The following SNRNP48 variants were observed in gnomAD, a reference collection of about 807,000 sequenced individuals.
SNRNP48 encodes the protein small nuclear ribonucleoprotein U11/U12 subunit 48, also known as U11/U12 small nuclear ribonucleoprotein 48 kDa protein.
A neutral mutation model predicts 47.0 loss-of-function variants in SNRNP48; 43 were observed. That is an observed-to-expected ratio of 0.92 (90% CI 0.72 to 1.18). SNRNP48 has a LOEUF of 1.18. SNRNP48 is among the 50% of genes most tolerant of loss of function. The probability of loss-of-function intolerance (pLI) is 0.00; values close to 1 mark genes in which losing one functional copy is unlikely to be tolerated. For synonymous variants in SNRNP48, 138 were observed against 144.0 expected, an observed-to-expected ratio of 0.96 and a Z score of 0.30; for missense variants, 396 against 422.2, an observed-to-expected ratio of 0.94 and a Z score of 0.54.
chr6:7,603,559 C>T (rs976547044), intron 6 of SNRNP48, among the ~76,000 whole-genome samples: 4 of 152,196 alleles, frequency 2.6e-5, no homozygotes, highest in African/African-American at 9.7e-5. Flanking sequence ...ATTATTCTTA[C>T]CTCCATGCCC....
At chr6:7,599,621 T>A (rs1214303138) in intron 4 of SNRNP48, 1 of 1,068,944 alleles carries the variant, frequency 9.4e-7, no homozygotes, top group Non-Finnish European at 1.2e-6. Flanking sequence ...ATGTTCCGAA[T>A]GAATTGAATG....
intron 8 of SNRNP48, among the ~76,000 whole-genome samples, chr6:7,608,211 C>T (rs1170371705): frequency 5.3e-5 from 8 of 151,438 alleles, no homozygotes; most frequent in African/African-American, 7.3e-5. Flanking sequence ...ACATTCATTT[C>T]GAATTAAAGT....
Position 7,610,328 on chromosome 6 carries a change from T to C in SNRNP48, c.*1455T>C, listed in dbSNP as rs1228485729. The C allele has an allele frequency of 2.0e-5, 3 of 152,196 alleles. No individual in the cohort carries two copies. Among genetic ancestry groups the C allele is most frequent in the African/African-American group, 4.8e-5 (2 of 41,436 alleles). 9.4% of individuals were successfully genotyped at this position (152,196 alleles called of 1,614,324 possible). ...GGGAAACAGCTCTCAGATTTATAAA[T>C]TGGAAATCACCAGGTTACTTGCCAA... On this transcript the variant is annotated 3_prime_UTR_variant, in exon 9 of 9. Transcript: ENST00000342415.
Position 7,601,378 on chromosome 6 carries a change from A to G in SNRNP48, c.449A>G (p.Lys150Arg), listed in dbSNP as rs767890365. The change falls in exon 5 of 9, where the codon AAA (lysine) becomes AGA (arginine). Residue 150 changes from lysine (K) to arginine (R), a missense_variant. Physicochemically the swap from Lys to Arg is conservative, Grantham distance 26. Coordinates refer to ENST00000342415, the MANE Select transcript of SNRNP48 (RefSeq NM_152551.4). ...CCTGTTGAAGTTCCTTTGAATCACA[A>G]ACGGTTTGTTTGTGATCTAACTCAA... is the stretch of plus-strand genomic sequence containing the variant. ...SLPVEVPLNHKRFVCDLTQAD... is the reference protein window; with the variant it reads ...SLPVEVPLNHRRFVCDLTQAD... 2.5e-6 allele frequency: 4 copies of G among 1,578,432 alleles called. No homozygotes were observed. Among genetic ancestry groups the G allele is most frequent in the East Asian group, 2.3e-5 (1 of 43,210 alleles).
rs1242394466 is a variant in SNRNP48 at position 7,590,379 on chromosome 6, A to G, written c.122A>G (p.Asp41Gly). 2.2e-6 allele frequency: 3 copies of G among 1,357,850 alleles called. No individual in the cohort carries two copies. The highest frequency in any genetic ancestry group is 4.0e-5 in the South Asian group (2 of 50,010). The allele number at this position is 1,357,850 out of a possible 1,614,324, so 84.1% of individuals were successfully genotyped here. A position where few individuals can be genotyped will look rare whatever the true frequency, so the allele number is the denominator to read the frequency against. The change falls in exon 1 of 9, where the codon GAT becomes GGT. Residue 41 changes from aspartate to glycine, a missense_variant. Asp to Gly is a moderately conservative substitution (Grantham distance 94). Coordinates refer to ENST00000342415, the MANE Select transcript of SNRNP48 (RefSeq NM_152551.4). ...ACCGCGTCCCTGGGCTGGGACCTAGATAGTCTGGATCCCGGGGAAGAGGAG... is the reference window on the plus strand; with the variant it reads ...ACCGCGTCCCTGGGCTGGGACCTAGGTAGTCTGGATCCCGGGGAAGAGGAG... ...EVTASLGWDLDSLDPGEEEAA... is the reference protein window; with the variant it reads ...EVTASLGWDLGSLDPGEEEAA...
chr6:7,608,454 G>A (rs1196349887), intron 8 of SNRNP48, among the ~76,000 whole-genome samples: 1 of 152,058 alleles, frequency 6.6e-6, no homozygotes, highest in African/African-American at 2.4e-5. Flanking sequence ...TGCTTGGGAG[G>A]CTGAGGCAGG....
chr6:7,598,797 G>C (rs1430706976), intron 4 of SNRNP48, among the ~76,000 whole-genome samples: 1 of 152,142 alleles, frequency 6.6e-6, no homozygotes, highest in Non-Finnish European at 1.5e-5. Flanking sequence ...TCAGTGTACA[G>C]AATTCTCAAT....
chr6:7,606,174 A>C lies in SNRNP48; in HGVS notation c.950A>C (p.Glu317Ala). ...AACAAAGATAAGGATAAAAACTGTG[A>C]GTCGAGAAGAAGGAAAGAGAGGTGG... is the stretch of plus-strand genomic sequence containing the variant. ...KRNKDKDKNC[E>A]SRRRKERDGE... Residue 317 changes from glutamate (E) to alanine (A), a missense_variant, in exon 8 of 9, where the codon GAG becomes GCG. Transcript: ENST00000342415. 5 of 1,611,206 alleles carry C rather than the reference A, an allele frequency of 3.1e-6. No homozygotes were observed. Among genetic ancestry groups the C allele is most frequent in the Non-Finnish European group, 4.2e-6 (5 of 1,179,144 alleles).
At chr6:7,597,904 C>T (rs553308331) in intron 4 of SNRNP48, among the ~76,000 whole-genome samples, 232 of 147,454 alleles carry the variant, frequency 1.6e-3, no homozygotes, top group African/African-American at 5.6e-3. Context: ...CTTGCTCTCT[C>T]GCCCAGGCTG....
rs974868883 is a variant in SNRNP48 at position 7,593,806 on chromosome 6, T to C, written c.229T>C (p.Ser77Pro). The C allele has an allele frequency of 6.3e-7, 1 of 1,598,544 alleles. No individual in the cohort carries two copies. The highest frequency in any genetic ancestry group is 1.3e-5 in the African/African-American group (1 of 74,734). The change falls in exon 2 of 9, where the codon TCT (serine) becomes CCT (proline). Residue 77 changes from serine to proline, a missense_variant. Transcript: ENST00000342415. ...PKSSLAKHMA[S>P]CRLRKMGYTK... ...ATCATCTTTGGCAAAGCACATGGCA[T>C]CTTGTAGATTGAGGAAAATGGGCTA...
At chr6:7,596,682 C>T (rs959606362) in intron 4 of SNRNP48, among the ~76,000 whole-genome samples, 21 of 152,172 alleles carry the variant, frequency 1.4e-4, no homozygotes, top group Non-Finnish European at 2.5e-4. Context: ...ACTTTTGTCC[C>T]TGTCAGGGAA....
intron 1 of SNRNP48, among the ~76,000 whole-genome samples, 182 bp downstream of exon 1, chr6:7,590,595 C>A (rs9328431): frequency 6.6e-6 from 1 of 152,124 alleles, no homozygotes; most frequent in African/African-American, 2.4e-5. Flanking sequence ...CCTGACGTCC[C>A]TGGGTTCCGG....
chr6:7,601,159 C>A, intron 4 of SNRNP48, 177 bp from the exon 5 acceptor site: 5 of 455,566 alleles, frequency 1.1e-5, no homozygotes, highest in Non-Finnish European at 1.9e-5. Flanking sequence ...ATATAACATT[C>A]AGGATAGAAT....
intron 3 of SNRNP48, 62 bp downstream of exon 3, chr6:7,594,221 G>A: frequency 1.2e-6 from 1 of 803,560 alleles, no homozygotes; most frequent in Non-Finnish European, 1.9e-6. Context: ...TTTCATTTTT[G>A]CATTATGAAA....
rs1171820421 is a variant in SNRNP48, at chr6:7,609,908, C to T, written c.*1035C>T. ...CCCCCAAAATTCTCATACCCCCTTT[C>T]CCAATCAATTCCTCTACCCCTAGCC... is the stretch of plus-strand genomic sequence containing the variant. On this transcript the variant is annotated 3_prime_UTR_variant, in exon 9 of 9. Coordinates refer to ENST00000342415, the MANE Select transcript of SNRNP48 (RefSeq NM_152551.4). 6.6e-6 allele frequency: 1 copy of T among 152,036 alleles called. No individual in the cohort carries two copies. The highest frequency in any genetic ancestry group is 1.5e-5 in the Non-Finnish European group (1 of 68,012). 9.4% of individuals were successfully genotyped at this position (152,036 alleles called of 1,614,324 possible).
At position 7,593,758 on chromosome 6, in the gene SNRNP48, G is replaced by A. The variant is rs757677423; in HGVS notation, c.181G>A (p.Asp61Asn). 1.1e-5 allele frequency: 18 copies of A among 1,595,440 alleles called. No individual in the cohort carries two copies. The Admixed American group carries it at 2.3e-4, about 20-fold the overall frequency. ...AEDEVVICPY[D>N]SNHHMPKSSL... ...GGATGAAGTTGTGATATGTCCATAC[G>A]ATTCCAATCATCACATGCCTAAATC... The change falls in exon 2 of 9, where the codon GAT (aspartate) becomes AAT (asparagine). Residue 61 changes from aspartate to asparagine, a missense_variant. Asp to Asn is a conservative substitution (Grantham distance 23, BLOSUM62 1). Transcript: ENST00000342415.
chr6:7,590,217 C>T lies in SNRNP48; in HGVS notation c.-41C>T, dbSNP rs1322994447. 7.8e-6 allele frequency: 10 copies of T among 1,275,512 alleles called. No individual in the cohort carries two copies. In the South Asian group the frequency reaches 1.0e-4, roughly 13 times the overall value. 79.0% of individuals were successfully genotyped at this position (1,275,512 alleles called of 1,614,324 possible). The stretch of plus-strand genomic sequence containing the variant: ...GCTCCCAGAGGCCTGCGCGTGCGGT[C>T]TGCAGTTCGGCCGCTTCCTCTTGGC... On this transcript the variant is annotated 5_prime_UTR_variant, in exon 1 of 9. Coordinates refer to ENST00000342415, the MANE Select transcript of SNRNP48 (RefSeq NM_152551.4).
intron 4 of SNRNP48, among the ~76,000 whole-genome samples, chr6:7,596,911 G>T (rs1759914082): frequency 6.6e-6 from 1 of 152,164 alleles, no homozygotes; most frequent in African/African-American, 2.4e-5. Flanking sequence ...TAGATTTACT[G>T]AATTTTAGAG....
chr6:7,592,753 A>C (rs1258760480), intron 1 of SNRNP48, among the ~76,000 whole-genome samples: 2 of 152,126 alleles, frequency 1.3e-5, no homozygotes, highest in Non-Finnish European at 2.9e-5. Flanking sequence ...AGAGTGAGAG[A>C]GAGCGAGCGA....
Sources: allele counts gnomAD v4.1 joint callset (sites outside exome capture counted in the v4.1 genomes callset), GRCh38; gene constraint gnomAD v4.1.1; transcripts MANE v1.5; gene names NCBI Gene and HGNC (gene_info 2026-07-23, HGNC 2026-07-21).